FKBP9: variants seen among roughly 807,000 people sequenced by gnomAD.
FKBP9 encodes FKBP prolyl isomerase 9.
FKBP9 carries 27 observed loss-of-function variants against 55.6 expected under a neutral mutation model. That is an observed-to-expected ratio of 0.49 (90% CI 0.36 to 0.67). The LOEUF is 0.67. Ranked by LOEUF, FKBP9 falls within the 30% of genes least tolerant of loss-of-function variation. The pLI, the probability that FKBP9 is intolerant of heterozygous loss-of-function variation, is 0.00. For missense variants in FKBP9, 539 were observed against 742.8 expected, an observed-to-expected ratio of 0.73 and a Z score of 3.19; for synonymous variants, 267 against 296.5, an observed-to-expected ratio of 0.90 and a Z score of 1.02.
rs1292673560 is a variant in FKBP9 at position 33,005,885 on chromosome 7, C to T, written c.*534C>T. On this transcript the variant is annotated 3_prime_UTR_variant, in exon 10 of 10. Transcript: ENST00000242209. ...GCCTGTGCAAATTCTGATGATGGCC[C>T]CACCCCCGCACACGCACACGCACAT... 4.3e-6 allele frequency: 1 copy of T among 233,282 alleles called. No homozygotes were observed. The highest frequency in any genetic ancestry group is 8.4e-6 in the Non-Finnish European group (1 of 118,388). The allele number at this position is 233,282 out of a possible 1,614,324, so 14.5% of individuals were successfully genotyped here.
rs929268366 is a variant in FKBP9, at chr7:32,962,853, A to T, written c.221+5059A>T. 2.1e-5 allele frequency among the ~76,000 whole-genome samples: 3 copies of T among 140,248 alleles called. No individual in the cohort carries two copies. In the Admixed American group the frequency reaches 2.2e-4, roughly 10 times the overall value. The allele number at this position is 140,248 out of a possible 152,430, so 92.0% of individuals were successfully genotyped here. ...TATGGTAAAGTAGAAGTTGGTGAGGACTATGGAGAAAAAGCAGTAGGAGTG... is the reference window on the plus strand; with the variant it reads ...TATGGTAAAGTAGAAGTTGGTGAGGTCTATGGAGAAAAAGCAGTAGGAGTG... On this transcript the variant is annotated intron_variant, in intron 1 of 9. Transcript: ENST00000242209.
Position 32,973,682 on chromosome 7 carries a change from GTTTTTTTTT to G in FKBP9, c.222-917_222-909del, listed in dbSNP as rs745717239. On this transcript the variant is annotated intron_variant, in intron 1 of 9. Transcript: ENST00000242209. ...AGAAAATGAAATGAAGTTTTTTGTT[GTTTTTTTTT>G]TTTTTTTTTTTTTTTTTGACACAGA... Among the ~76,000 whole-genome samples, 74 of 64,982 alleles carry G rather than the reference GTTTTTTTTT, an allele frequency of 1.1e-3. 1 individual carries two copies. Among genetic ancestry groups the G allele is most frequent in the African/African-American group, 3.3e-3 (60 of 17,990 alleles). The allele number at this position is 64,982 out of a possible 152,430, so 42.6% of individuals were successfully genotyped here.
At chr7:32,974,871 A>G (rs1784329830) in intron 2 of FKBP9, 109 bp downstream of exon 2, 1 of 1,089,146 alleles carries the variant, frequency 9.2e-7, no homozygotes. Flanking sequence ...GATTGGGGGA[A>G]AATGAAAAGC....
chr7:32,992,090 G>A (rs1167685982), intron 6 of FKBP9, among the ~76,000 whole-genome samples: 11 of 152,096 alleles, frequency 7.2e-5, no homozygotes, highest in African/African-American at 2.7e-4. Context: ...ATGTGTCCTA[G>A]ACAGACAGAA....
Position 32,996,350 on chromosome 7 carries a change from G to A in FKBP9, c.1226+1G>A, listed in dbSNP as rs760597598. 15 of 1,610,138 alleles carry A rather than the reference G, an allele frequency of 9.3e-6. No individual in the cohort carries two copies. The highest frequency in any genetic ancestry group is 8.8e-5 in the South Asian group (8 of 90,824). ...TGGATGGGACCCTGCTGGACTCCAC[G>A]TAAGGGCAACCAGAATGGTGTGGGA... On this transcript the variant is annotated splice_donor_variant, in intron 7 of 9. Transcript: ENST00000242209. LOFTEE classifies it high-confidence loss of function.
chr7:32,996,639 TTC>T (rs1784794855), intron 7 of FKBP9, among the ~76,000 whole-genome samples: 1 of 147,762 alleles, frequency 6.8e-6, no homozygotes, highest in Non-Finnish European at 1.5e-5. Context: ...CCTTCCTTCC[TTC>T]CTTCCTTCCT....
At chr7:32,964,701 T>C (rs190952268) in intron 1 of FKBP9, among the ~76,000 whole-genome samples, 2 of 152,372 alleles carry the variant, frequency 1.3e-5, no homozygotes, top group Admixed American at 6.5e-5. Context: ...CCCTGGCATG[T>C]CTCATTAGCT....
At chr7:32,973,900 C>T (rs966415039) in intron 1 of FKBP9, among the ~76,000 whole-genome samples, 62 of 148,294 alleles carry the variant, frequency 4.2e-4, no homozygotes, top group Non-Finnish European at 7.6e-4. Context: ...CCGTGTTGGC[C>T]AGGCTGGTTT....
At chr7:32,985,041 C>T (rs1235174351) in intron 5 of FKBP9, among the ~76,000 whole-genome samples, 1 of 151,850 alleles carries the variant, frequency 6.6e-6, no homozygotes, top group Non-Finnish European at 1.5e-5. Flanking sequence ...TTTTTTTCTA[C>T]TAAGTGATGC....
intron 6 of FKBP9, chr7:32,992,841 A>G (rs1369356962): frequency 2.2e-5 from 5 of 229,688 alleles, no homozygotes; most frequent in Non-Finnish European, 3.5e-5. Flanking sequence ...CTACGCACAC[A>G]GAGAGTGTTT....
At chr7:32,962,296 A>T (rs1180620617) in intron 1 of FKBP9, among the ~76,000 whole-genome samples, 1 of 152,134 alleles carries the variant, frequency 6.6e-6, no homozygotes, top group Non-Finnish European at 1.5e-5. Context: ...CGGGAGGCTG[A>T]GGCAGGAGAA....
At chr7:32,988,458 T>G (rs1247319075) in intron 5 of FKBP9, 49 bp from the exon 6 acceptor site, 1 of 1,602,172 alleles carries the variant, frequency 6.2e-7, no homozygotes. Context: ...GCACAGCTGC[T>G]GTGGAGGCCC....
At chr7:33,003,793 C>T (rs952881171) in intron 9 of FKBP9, among the ~76,000 whole-genome samples, 3 of 152,162 alleles carry the variant, frequency 2.0e-5, no homozygotes, top group Non-Finnish European at 2.9e-5. Context: ...TGGAGTACCC[C>T]GGGCTAAGTC....
intron 7 of FKBP9, among the ~76,000 whole-genome samples, chr7:32,997,112 C>T (rs1268987027): frequency 6.6e-6 from 1 of 151,660 alleles, no homozygotes; most frequent in Non-Finnish European, 1.5e-5. Context: ...CTCTTTCACC[C>T]AGGCTGGAGT....
intron 1 of FKBP9, among the ~76,000 whole-genome samples, chr7:32,963,191 G>C (rs1784059149): frequency 6.6e-6 from 1 of 152,214 alleles, no homozygotes; most frequent in Admixed American, 6.5e-5. Flanking sequence ...GGGTGGACCA[G>C]AGTCTGGGCC....
At position 32,957,811 on chromosome 7, in the gene FKBP9, G is replaced by T; in HGVS notation, c.221+17G>T. On this transcript the variant is annotated intron_variant, in intron 1 of 9. Coordinates refer to ENST00000242209, the MANE Select transcript of FKBP9 (RefSeq NM_007270.5). Reference sequence around the variant, plus strand: ...CGACTCCAGGTACCGCGCCCTTGGCGCCCGGCGCGGCCTCAGCGGATGCGC... The same window carrying T: ...CGACTCCAGGTACCGCGCCCTTGGCTCCCGGCGCGGCCTCAGCGGATGCGC... 1.4e-6 allele frequency: 2 copies of T among 1,419,772 alleles called. No homozygotes were observed. Among genetic ancestry groups the T allele is most frequent in the South Asian group, 1.5e-5 (1 of 65,712 alleles). 87.9% of individuals were successfully genotyped at this position (1,419,772 alleles called of 1,614,324 possible).
chr7:32,978,814 G>C (rs1478304074), intron 4 of FKBP9, among the ~76,000 whole-genome samples: 1 of 152,146 alleles, frequency 6.6e-6, no homozygotes, highest in Non-Finnish European at 1.5e-5. Flanking sequence ...ATAAATAATA[G>C]CTTATTTAGA....
Position 32,967,082 on chromosome 7 carries a change from G to A in FKBP9, c.222-7535G>A, listed in dbSNP as rs540766186. ...ATTGTGGCCCTAAACTAAAGGGCCC[G>A]GTTCCTGTCAGGTAACCCCTAGCTG... is the stretch of plus-strand genomic sequence containing the variant. On this transcript the variant is annotated intron_variant, in intron 1 of 9. Coordinates refer to ENST00000242209, the MANE Select transcript of FKBP9 (RefSeq NM_007270.5). Among the ~76,000 whole-genome samples the A allele has an allele frequency of 5.5e-4, 83 of 152,262 alleles. 1 individual carries two copies. The highest frequency in any genetic ancestry group is 3.4e-3 in the Middle Eastern group (1 of 294).
intron 5 of FKBP9, among the ~76,000 whole-genome samples, chr7:32,981,174 C>T (rs1321239936): frequency 6.6e-6 from 1 of 151,682 alleles, no homozygotes; most frequent in Admixed American, 6.6e-5. Flanking sequence ...GTCTGTGGTG[C>T]ACTAGCTGTA....
Sources: gnomAD v4.1 joint callset for allele counts (sites outside exome capture counted in the v4.1 genomes callset) on GRCh38, gnomAD v4.1.1 for gene constraint, MANE v1.5 for transcripts, NCBI Gene and HGNC (gene_info 2026-07-23, HGNC 2026-07-21) for gene names.